The following TMEM164 variants were observed in gnomAD, a reference collection of about 807,000 sequenced individuals.
TMEM164 encodes transmembrane protein 164.
In TMEM164, 4 loss-of-function variants were observed where a neutral mutation model predicts 18.8. The observed-to-expected ratio is 0.21, with a 90% CI of 0.10 to 0.49. The LOEUF is 0.49. Ranked by LOEUF, TMEM164 falls within the 20% of genes least tolerant of loss-of-function variation. The pLI, the probability that TMEM164 is intolerant of heterozygous loss-of-function variation, is 0.98. For synonymous variants in TMEM164, 86 were observed against 101.7 expected (o/e 0.85, Z 0.93); for missense variants, 108 against 239.9 (o/e 0.45, Z 3.63).
intron 4 of TMEM164, among the ~76,000 whole-genome samples, chrX:110,111,161 C>G (rs1200860204): frequency 1.8e-5 from 2 of 112,425 alleles, no homozygotes; most frequent in African/African-American, 6.5e-5. Flanking sequence ...TTCTACATCT[C>G]CCACAGTCTG....
In TMEM164 at chrX:110,109,146, G is replaced by A. The variant is rs750915465; in HGVS notation, c.507G>A (p.Leu169=). The A allele has an allele frequency of 8.3e-7, 1 of 1,206,872 alleles. No homozygotes were observed. Reference sequence around the variant, plus strand: ...TGTTTCCTGTGGTAAACACTCGGCTGGTAAGTAGCCTCTTCTAGGAATGTA... The same window carrying A: ...TGTTTCCTGTGGTAAACACTCGGCTAGTAAGTAGCCTCTTCTAGGAATGTA... ...ALLFPVVNTR[L]LPFELEIYYI... The change falls in exon 4 of 7, where the codon CTG becomes CTA. Residue 169 remains leucine, a splice_region_variant and synonymous_variant. Coordinates refer to ENST00000372068, the MANE Select transcript of TMEM164 (RefSeq NM_032227.4).
chrX:110,086,688 G>GTATA (rs754308236), intron 3 of TMEM164, among the ~76,000 whole-genome samples: 1 of 106,844 alleles, frequency 9.4e-6, no homozygotes, highest in African/African-American at 3.5e-5. Context: ...GTGTGTGTGT[G>GTATA]TATATATATA....
At chrX:110,060,550 T>C (rs1017513812) in intron 2 of TMEM164, among the ~76,000 whole-genome samples, 8 of 112,372 alleles carry the variant, frequency 7.1e-5, no homozygotes, top group African/African-American at 2.6e-4. Flanking sequence ...GTAAAATTAT[T>C]AAAACTGAAA....
chrX:110,143,437 T>C (rs1237744133), intron 4 of TMEM164, among the ~76,000 whole-genome samples: 2 of 111,713 alleles, frequency 1.8e-5, no homozygotes, highest in Admixed American at 1.9e-4. Context: ...AGCTGGGGTC[T>C]ACAGTGATAC....
In TMEM164 at chrX:110,176,447, ATC is replaced by A; in HGVS notation, c.*3000_*3001del. The A allele has an allele frequency of 4.0e-6, 3 of 752,500 alleles. No individual in the cohort carries two copies. Among genetic ancestry groups the A allele is most frequent in the Non-Finnish European group, 4.7e-6 (3 of 636,233 alleles). 62.0% of individuals were successfully genotyped at this position (752,500 alleles called of 1,213,427 possible). On this transcript the variant is annotated 3_prime_UTR_variant, in exon 7 of 7. Transcript: ENST00000372068. The stretch of plus-strand genomic sequence containing the variant: ...CAGACTCAGTCTCCCCAAGTCAGCA[ATC>A]TCTTTCTCTCTCTCTCCTCAAACTT...
intron 2 of TMEM164, among the ~76,000 whole-genome samples, chrX:110,035,232 A>T (rs962898723): frequency 3.6e-5 from 4 of 110,829 alleles, no homozygotes; most frequent in Non-Finnish European, 5.7e-5. Context: ...ATAATAAAAT[A>T]AAATTAAAAA....
chrX:110,020,733 C>G, intron 2 of TMEM164: 1 of 726,868 alleles, frequency 1.4e-6, no homozygotes, highest in Non-Finnish European at 1.6e-6. Context: ...AATATTTACT[C>G]TACAAATGTT....
intron 5 of TMEM164, among the ~76,000 whole-genome samples, chrX:110,149,286 T>C (rs1276734524): frequency 9.0e-6 from 1 of 110,996 alleles, no homozygotes; most frequent in East Asian, 2.8e-4. Flanking sequence ...TGCCCTTGAG[T>C]TTTCTTCTCA....
intron 3 of TMEM164, among the ~76,000 whole-genome samples, chrX:110,103,053 C>A (rs1430235015): frequency 8.9e-6 from 1 of 112,154 alleles, no homozygotes; most frequent in African/African-American, 3.2e-5. Flanking sequence ...ATGGTGCTTG[C>A]CATATTGCCT....
At chrX:110,054,520 G>A (rs1935724329) in intron 2 of TMEM164, among the ~76,000 whole-genome samples, 1 of 112,240 alleles carries the variant, frequency 8.9e-6, no homozygotes, top group Admixed American at 9.4e-5. Flanking sequence ...ACAAAAAGAA[G>A]AAACAAACGC....
chrX:110,022,400 G>A (rs893067935), intron 2 of TMEM164, among the ~76,000 whole-genome samples: 1 of 111,222 alleles, frequency 9.0e-6, no homozygotes, highest in Non-Finnish European at 1.9e-5. Context: ...TCAGGGATAG[G>A]TTTTCAGACT....
chrX:110,039,997 C>A (rs543276664), intron 2 of TMEM164, among the ~76,000 whole-genome samples: 2 of 111,331 alleles, frequency 1.8e-5, no homozygotes, highest in Admixed American at 1.9e-4. Context: ...ATGTCTACTG[C>A]CCTAATGAGG....
chrX:110,121,297 T>C (rs775233204), intron 4 of TMEM164, among the ~76,000 whole-genome samples: 1 of 112,445 alleles, frequency 8.9e-6, no homozygotes, highest in East Asian at 2.8e-4. Context: ...CAGTCTAATT[T>C]TAGAACACTT....
chrX:110,123,765 C>G (rs1163030318), intron 4 of TMEM164, among the ~76,000 whole-genome samples: 1 of 111,824 alleles, frequency 8.9e-6, no homozygotes, highest in African/African-American at 3.2e-5. Flanking sequence ...ATCACTTGAG[C>G]CGAAGTGTTG....
At chrX:110,138,331 C>A (rs2066719663) in intron 4 of TMEM164, among the ~76,000 whole-genome samples, 1 of 112,170 alleles carries the variant, frequency 8.9e-6, no homozygotes, top group Non-Finnish European at 1.9e-5. Flanking sequence ...TGAGGCTCAG[C>A]AAAATTAAAT....
intron 2 of TMEM164, among the ~76,000 whole-genome samples, chrX:110,054,686 G>A (rs929478182): frequency 8.9e-6 from 1 of 111,741 alleles, no homozygotes; most frequent in African/African-American, 3.3e-5. Flanking sequence ...TGAGCTTGAG[G>A]GTGTCTGTGC....
intron 3 of TMEM164, among the ~76,000 whole-genome samples, chrX:110,071,283 G>A (rs761808574): frequency 1.2e-4 from 13 of 109,822 alleles, no homozygotes; most frequent in African/African-American, 4.3e-4. Context: ...GATTACAGGT[G>A]TGAGCCACTG....
rs187564273 is a variant in TMEM164 at position 110,177,108 on chromosome X, T to C, written c.*3657T>C. ...AACCTAGTCGCTTGTTGCTCTCGTC[T>C]GTGACATTTTTGTACACTGGTTTGC... On this transcript the variant is annotated 3_prime_UTR_variant, in exon 7 of 7. Transcript: ENST00000372068. 8.9e-6 allele frequency: 1 copy of C among 112,319 alleles called. No individual in the cohort carries two copies. Among genetic ancestry groups the C allele is most frequent in the African/African-American group, 3.2e-5 (1 of 30,899 alleles). The allele number at this position is 112,319 out of a possible 1,213,427, so 9.3% of individuals were successfully genotyped here.
At chrX:110,004,253 C>T (rs1448280973) in intron 2 of TMEM164, 89 bp downstream of exon 2, 4 of 1,039,528 alleles carry the variant, frequency 3.8e-6, no homozygotes, top group South Asian at 2.3e-5. Flanking sequence ...CACCTCATCC[C>T]GGCGGGCAGG....
Sources: allele counts gnomAD v4.1 joint callset (sites outside exome capture counted in the v4.1 genomes callset), GRCh38; gene constraint gnomAD v4.1.1; transcripts MANE v1.5; gene names NCBI Gene and HGNC (gene_info 2026-07-23, HGNC 2026-07-21).